The following DESI2 variants were observed in gnomAD, a reference collection of about 807,000 sequenced individuals.
DESI2 encodes desumoylating isopeptidase 2.
Under a neutral mutation model 24.1 loss-of-function variants are expected in DESI2, and 10 were observed. The ratio of observed to expected loss-of-function variants is 0.41; its 90% CI spans 0.26 to 0.70. The LOEUF (loss-of-function observed/expected upper bound fraction) is 0.70, where lower values mean the gene tolerates loss of function less well. Among genes scored for constraint, DESI2 ranks in the 30% least tolerant of loss-of-function variants. The probability of loss-of-function intolerance (pLI) is 0.29; values close to 1 mark genes in which losing one functional copy is unlikely to be tolerated. For missense variants in DESI2, 122 were observed against 234.9 expected (o/e 0.52, Z 3.14); for synonymous variants, 71 against 87.7 (o/e 0.81, Z 1.06).
At chr1:244,686,410 A>G (rs978906391) in intron 1 of DESI2, among the ~76,000 whole-genome samples, 187 bp from the exon 2 acceptor site, 4 of 152,026 alleles carry the variant, frequency 2.6e-5, no homozygotes, top group African/African-American at 9.7e-5. Flanking sequence ...AATCGCGACA[A>G]TTATTTTGAC....
Position 244,653,289 on chromosome 1 carries a change from C to A in DESI2, c.-25C>A. 1 of 1,487,032 alleles carries A rather than the reference C, an allele frequency of 6.7e-7. No individual in the cohort carries two copies. The allele number at this position is 1,487,032 out of a possible 1,614,324, so 92.1% of individuals were successfully genotyped here. ...CCGCGGAGACGGAGCGGCTTGAGGA[C>A]GAGGCGGCGGCCGCGGGGAGGAGGA... On this transcript the variant is annotated 5_prime_UTR_variant, in exon 1 of 5. Coordinates refer to ENST00000302550, the MANE Select transcript of DESI2 (RefSeq NM_016076.5).
At chr1:244,705,477 T>A in intron 4 of DESI2, 79 bp from the exon 5 acceptor site, 1 of 1,257,006 alleles carries the variant, frequency 8.0e-7, no homozygotes, top group Non-Finnish European at 1.2e-6. Flanking sequence ...GCCCCCCTCC[T>A]CCCACCCTCC....
intron 4 of DESI2, among the ~76,000 whole-genome samples, chr1:244,699,092 C>T (rs1486582387): frequency 1.3e-5 from 2 of 152,160 alleles, no homozygotes; most frequent in African/African-American, 4.8e-5. Context: ...TACTGGTGCA[C>T]ACACCTTAGT....
rs1676943077 is a variant in DESI2 at position 244,689,463 on chromosome 1, A to C, written c.209+121A>C. 1 of 577,248 alleles carries C rather than the reference A, an allele frequency of 1.7e-6. No individual in the cohort carries two copies. 35.8% of individuals were successfully genotyped at this position (577,248 alleles called of 1,614,324 possible). ...GAAGTTAAAAATGTCTCTTTGTTTT[A>C]ATTGCTGACATTTTATATAACTCAA... On this transcript the variant is annotated intron_variant, in intron 3 of 4. Coordinates refer to ENST00000302550, the MANE Select transcript of DESI2 (RefSeq NM_016076.5). The surrounding 1 kb of genome is among the most constrained non-coding windows in gnomAD (Gnocchi z 4.0).
intron 4 of DESI2, among the ~76,000 whole-genome samples, chr1:244,699,576 CTCAAAAAAAAAAAAAAAAA>C (rs1283306746): frequency 3.8e-5 from 2 of 52,734 alleles, no homozygotes; most frequent in African/African-American, 1.7e-4. Flanking sequence ...GTGAGACTGT[CTCAAAAAAAAAAAAAAAAA>C]AAAAAAAAAA....
chr1:244,653,292 G>A lies in DESI2; in HGVS notation c.-22G>A. ...CGGAGACGGAGCGGCTTGAGGACGA[G>A]GCGGCGGCCGCGGGGAGGAGGATGG... is the stretch of plus-strand genomic sequence containing the variant. On this transcript the variant is annotated 5_prime_UTR_variant, in exon 1 of 5. Coordinates refer to ENST00000302550, the MANE Select transcript of DESI2 (RefSeq NM_016076.5). 2 of 1,489,294 alleles carry A rather than the reference G, an allele frequency of 1.3e-6. No individual in the cohort carries two copies. The allele number at this position is 1,489,294 out of a possible 1,614,324, so 92.3% of individuals were successfully genotyped here.
intron 4 of DESI2, chr1:244,694,546 C>T (rs1452514700): frequency 2.6e-6 from 2 of 782,388 alleles, no homozygotes; most frequent in African/African-American, 1.7e-5. Context: ...CGACCAGTCC[C>T]AGTGGTATTT....
At chr1:244,657,880 C>T (rs532973969) in intron 1 of DESI2, among the ~76,000 whole-genome samples, 3 of 152,252 alleles carry the variant, frequency 2.0e-5, no homozygotes, top group East Asian at 3.9e-4. Flanking sequence ...ACTCCTTCCC[C>T]GAAGAGATTA....
intron 4 of DESI2, among the ~76,000 whole-genome samples, chr1:244,698,262 G>A (rs1677298945): frequency 6.6e-6 from 1 of 152,180 alleles, no homozygotes; most frequent in Non-Finnish European, 1.5e-5. Context: ...AATTTAAATC[G>A]TTTGTTGAAA....
chr1:244,663,827 G>T (rs936599553), intron 1 of DESI2, among the ~76,000 whole-genome samples: 1 of 151,766 alleles, frequency 6.6e-6, no homozygotes, highest in Admixed American at 6.6e-5. Flanking sequence ...GACCATCCTG[G>T]CTAACACGGT....
chr1:244,661,516 C>T (rs1157612417), intron 1 of DESI2, among the ~76,000 whole-genome samples: 2 of 152,068 alleles, frequency 1.3e-5, no homozygotes, highest in Non-Finnish European at 2.9e-5. Flanking sequence ...CCCATTAACT[C>T]ATCATTCACA....
intron 4 of DESI2, among the ~76,000 whole-genome samples, chr1:244,704,242 T>C (rs1677602177): frequency 1.3e-5 from 2 of 152,216 alleles, no homozygotes; most frequent in Non-Finnish European, 2.9e-5. Flanking sequence ...TCCAAAGTTA[T>C]TACCTAAGAT....
intron 1 of DESI2, among the ~76,000 whole-genome samples, chr1:244,666,885 GA>G (rs1289675888): frequency 6.6e-6 from 1 of 152,102 alleles, no homozygotes; most frequent in Non-Finnish European, 1.5e-5. Context: ...GGCAGCAAGA[GA>G]AAAATGAGGA....
chr1:244,689,473 A>G lies in DESI2; in HGVS notation c.209+131A>G. 1 of 560,646 alleles carries G rather than the reference A, an allele frequency of 1.8e-6. No homozygotes were observed. The highest frequency in any genetic ancestry group is 3.2e-6 in the Non-Finnish European group (1 of 311,634). The allele number at this position is 560,646 out of a possible 1,614,324, so 34.7% of individuals were successfully genotyped here. On this transcript the variant is annotated intron_variant, in intron 3 of 4. Transcript: ENST00000302550. This position sits in a 1 kb window ranked among gnomAD's most constrained non-coding sequence, Gnocchi z 4.0. ...ATGTCTCTTTGTTTTAATTGCTGAC[A>G]TTTTATATAACTCAAGTTTGCCTCA...
In DESI2 at chr1:244,684,411, TCAGAC is replaced by T. The variant is rs1010769873; in HGVS notation, c.43-2184_43-2180del. On this transcript the variant is annotated intron_variant, in intron 1 of 4. Transcript: ENST00000302550. Reference sequence around the variant, plus strand: ...TTGTTAACAGTTGAACACAGGTGCTTCAGACCTTTCTTTTGTTGCAATTGGTGGTA... The same window carrying T: ...TTGTTAACAGTTGAACACAGGTGCTTCTTTCTTTTGTTGCAATTGGTGGTA... Among the ~76,000 whole-genome samples the T allele has an allele frequency of 1.7e-4, 26 of 152,210 alleles. 1 individual carries two copies. Among genetic ancestry groups the T allele is most frequent in the African/African-American group, 6.3e-4 (26 of 41,448 alleles).
In DESI2 at chr1:244,694,312, A is replaced by C. The variant is rs552045678; in HGVS notation, c.351+2292A>C. On this transcript the variant is annotated intron_variant, in intron 4 of 4. Coordinates refer to ENST00000302550, the MANE Select transcript of DESI2 (RefSeq NM_016076.5). Reference sequence around the variant, plus strand: ...TTACATTCTTTTTAAGGACTGAAAAAAGCCAAAAGAGTATTATATGGTGAC... The same window carrying C: ...TTACATTCTTTTTAAGGACTGAAAACAGCCAAAAGAGTATTATATGGTGAC... 82 of 443,928 alleles carry C rather than the reference A, an allele frequency of 1.8e-4. 2 individuals are homozygous for C. The highest frequency in any genetic ancestry group is 1.1e-3 in the South Asian group (59 of 53,724). The allele number at this position is 443,928 out of a possible 1,614,324, so 27.5% of individuals were successfully genotyped here.
intron 1 of DESI2, among the ~76,000 whole-genome samples, chr1:244,675,833 G>A (rs995348379): frequency 2.6e-5 from 4 of 152,186 alleles, no homozygotes; most frequent in African/African-American, 9.7e-5. Flanking sequence ...AAGAATGGCA[G>A]TGAATCTTCA....
intron 1 of DESI2, among the ~76,000 whole-genome samples, chr1:244,682,055 G>T (rs1471127542): frequency 6.6e-6 from 1 of 152,204 alleles, no homozygotes; most frequent in East Asian, 1.9e-4. Flanking sequence ...TGAAGCTGCA[G>T]ACCCTTGTGG....
intron 1 of DESI2, among the ~76,000 whole-genome samples, chr1:244,665,964 C>T (rs981299227): frequency 4.6e-5 from 7 of 152,178 alleles, no homozygotes; most frequent in Admixed American, 1.3e-4. Context: ...ATCTACACCG[C>T]GGCAGCTGAA....
Sources: gnomAD v4.1 joint callset for allele counts (sites outside exome capture counted in the v4.1 genomes callset) on GRCh38, gnomAD v4.1.1 for gene constraint, Gnocchi (gnomAD v3.1) non-coding constraint, MANE v1.5 for transcripts, NCBI Gene and HGNC (gene_info 2026-07-23, HGNC 2026-07-21) for gene names.